The following DENR variants were observed in gnomAD, a reference collection of about 807,000 sequenced individuals.
The protein encoded by DENR is density regulated re-initiation and release factor, also known as density-regulated protein.
In DENR, 6 loss-of-function variants were observed where a neutral mutation model predicts 30.6. The observed-to-expected ratio is 0.20, with a 90% CI of 0.11 to 0.39. DENR has a LOEUF of 0.39. Among genes scored for constraint, DENR ranks in the 10% least tolerant of loss-of-function variants. The pLI, the probability that DENR is intolerant of heterozygous loss-of-function variation, is 1.00. For synonymous variants in DENR, 78 were observed against 72.1 expected, an observed-to-expected ratio of 1.08 and a Z score of -0.41; for missense variants, 141 against 230.9, an observed-to-expected ratio of 0.61 and a Z score of 2.52.
At position 122,762,906 on chromosome 12, in the gene DENR, A is replaced by G; in HGVS notation, c.188A>G (p.Asn63Ser). ...CRQWLEKNFP[N>S]EFAKLTVENS... Reference sequence around the variant, plus strand: ...CAATGGTTAGAGAAGAATTTTCCAAATGAATTTGCAAAACTTACTGTAGGT... The same window carrying G: ...CAATGGTTAGAGAAGAATTTTCCAAGTGAATTTGCAAAACTTACTGTAGGT... Residue 63 changes from asparagine (N) to serine (S), a missense_variant, in exon 4 of 8, where the codon AAT becomes AGT. Asn to Ser is a conservative substitution (Grantham distance 46). This residue lies in a region of DENR where 104 missense variants were observed against 138.3 expected (regional missense o/e 0.75). Transcript: ENST00000280557. 1.3e-6 allele frequency: 2 copies of G among 1,548,558 alleles called. No homozygotes were observed. The highest frequency in any genetic ancestry group is 1.7e-6 in the Non-Finnish European group (2 of 1,145,624).
chr12:122,765,493 T>A, intron 5 of DENR, 106 bp downstream of exon 5: 1 of 977,582 alleles, frequency 1.0e-6, no homozygotes, highest in Non-Finnish European at 1.5e-6. Flanking sequence ...GGTGGGCGCC[T>A]ATAGTCACAG....
chr12:122,762,290 T>C, intron 3 of DENR, 84 bp downstream of exon 3: 1 of 1,001,538 alleles, frequency 1.0e-6, no homozygotes. Context: ...TTTTTTTATT[T>C]TTCATTTTTG....
intron 6 of DENR, among the ~76,000 whole-genome samples, chr12:122,767,855 C>T (rs994702359): frequency 4.6e-5 from 7 of 152,158 alleles, no homozygotes; most frequent in Non-Finnish European, 1.0e-4. Flanking sequence ...GGGATGAGGA[C>T]GGCTGGGTAG....
intron 4 of DENR, among the ~76,000 whole-genome samples, chr12:122,764,390 G>A (rs937577692): frequency 3.9e-5 from 6 of 152,124 alleles, no homozygotes; most frequent in African/African-American, 1.4e-4. Context: ...ACAAGGTCAG[G>A]AGATCGAGAC....
intron 2 of DENR, among the ~76,000 whole-genome samples, chr12:122,754,619 T>A (rs552853770): frequency 6.6e-6 from 1 of 152,184 alleles, no homozygotes; most frequent in Non-Finnish European, 1.5e-5. Context: ...TTACATTCTG[T>A]GACTGCAGTA....
In DENR at chr12:122,770,455, A is replaced by G. The variant is rs1879004967; in HGVS notation, c.*1377A>G. ...CTGCTCTGAGTGGAAGGCCGTTCAG[A>G]GAGGCTAGAGGTTCTTATTCTGGCT... On this transcript the variant is annotated 3_prime_UTR_variant, in exon 8 of 8. Coordinates refer to ENST00000280557, the MANE Select transcript of DENR (RefSeq NM_003677.5). 1 of 396,026 alleles carries G rather than the reference A, an allele frequency of 2.5e-6. No individual in the cohort carries two copies. The allele number at this position is 396,026 out of a possible 1,614,324, so 24.5% of individuals were successfully genotyped here.
intron 4 of DENR, among the ~76,000 whole-genome samples, chr12:122,763,693 C>A (rs1172838606): frequency 6.6e-6 from 1 of 152,114 alleles, no homozygotes; most frequent in Admixed American, 6.5e-5. Flanking sequence ...AAGAGCAAAA[C>A]TCTGTCTCAA....
At position 122,769,170 on chromosome 12, in the gene DENR, ATATATATG is replaced by A; in HGVS notation, c.*100_*107del. The A allele has an allele frequency of 5.3e-6, 6 of 1,134,070 alleles. No homozygotes were observed. The highest frequency in any genetic ancestry group is 7.0e-6 in the Non-Finnish European group (6 of 861,450). 70.3% of individuals were successfully genotyped at this position (1,134,070 alleles called of 1,614,324 possible). On this transcript the variant is annotated 3_prime_UTR_variant, in exon 8 of 8. Coordinates refer to ENST00000280557, the MANE Select transcript of DENR (RefSeq NM_003677.5). ...TTTTAAAATATATATATATATACACATATATATGTATATATACACATATATGTATGTAT... is the reference window on the plus strand; with the variant it reads ...TTTTAAAATATATATATATATACACATATATATACACATATATGTATGTAT...
chr12:122,763,537 T>C (rs1427287620), intron 4 of DENR, among the ~76,000 whole-genome samples: 1 of 151,952 alleles, frequency 6.6e-6, no homozygotes, highest in East Asian at 1.9e-4. Context: ...GAAACCCTGT[T>C]TCTACTAAAA....
At chr12:122,760,594 G>C (rs532199215) in intron 2 of DENR, among the ~76,000 whole-genome samples, 1 of 152,156 alleles carries the variant, frequency 6.6e-6, no homozygotes, top group Non-Finnish European at 1.5e-5. Flanking sequence ...AGCCGGGCGC[G>C]GTGGCGGGCA....
chr12:122,765,436 G>A (rs975565909), intron 5 of DENR, 49 bp downstream of exon 5: 8 of 1,453,794 alleles, frequency 5.5e-6, no homozygotes, highest in African/African-American at 1.4e-5. Context: ...CCGTCACTGC[G>A]ATAGAAAATG....
intron 5 of DENR, among the ~76,000 whole-genome samples, chr12:122,767,200 T>C (rs987273444): frequency 3.3e-5 from 5 of 152,234 alleles, no homozygotes; most frequent in African/African-American, 1.2e-4. Context: ...ATTCCTATTA[T>C]TGTATGTATC....
intron 2 of DENR, 71 bp from the exon 3 acceptor site, chr12:122,762,116 A>G: frequency 1.0e-6 from 1 of 985,174 alleles, no homozygotes; most frequent in Non-Finnish European, 1.4e-6. Flanking sequence ...TATAAAAGTA[A>G]GGATAAGCCC....
intron 2 of DENR, chr12:122,754,409 A>AC (rs1566058126): frequency 6.5e-6 from 1 of 153,036 alleles, no homozygotes; most frequent in African/African-American, 2.4e-5. Context: ...TTTTCAATAT[A>AC]GAAATATTTG....
At chr12:122,762,156 T>C in intron 2 of DENR, 31 bp from the exon 3 acceptor site, 1 of 1,385,532 alleles carries the variant, frequency 7.2e-7, no homozygotes, top group Non-Finnish European at 9.8e-7. Context: ...AGGTTTAACA[T>C]TTCAAATCTT....
Position 122,768,967 on chromosome 12 carries a change from C to T in DENR, c.552+46C>T, listed in dbSNP as rs201139163. The T allele has an allele frequency of 2.6e-4, 424 of 1,605,260 alleles. 5 individuals carry two copies. The East Asian group carries it at 8.0e-3, about 30-fold the overall frequency. On this transcript the variant is annotated intron_variant, in intron 7 of 7. Transcript: ENST00000280557. ...CATCGCTAGAGATAAGTTTTTAAAG[C>T]AAATTGCTTCCATTTTTTCTTAATT...
chr12:122,760,471 C>T lies in DENR; in HGVS notation c.107-1716C>T, dbSNP rs192628009. 2.6e-5 allele frequency among the ~76,000 whole-genome samples: 4 copies of T among 152,278 alleles called. No individual in the cohort carries two copies. In the East Asian group the frequency reaches 7.7e-4, roughly 29 times the overall value. ...AAAAGGCCGGGCGCGGTGGCTCACT[C>T]CTGTAATCCCAGCACTTTGGGAGGC... On this transcript the variant is annotated intron_variant, in intron 2 of 7. Coordinates refer to ENST00000280557, the MANE Select transcript of DENR (RefSeq NM_003677.5).
At chr12:122,762,227 T>C in intron 3 of DENR, 21 bp downstream of exon 3, 1 of 1,386,648 alleles carries the variant, frequency 7.2e-7, no homozygotes, top group Non-Finnish European at 9.8e-7. Flanking sequence ...TAATTTTTTT[T>C]TTTACCTTAT....
intron 5 of DENR, among the ~76,000 whole-genome samples, 192 bp downstream of exon 5, chr12:122,765,579 C>T (rs1239519889): frequency 6.6e-6 from 1 of 152,094 alleles, no homozygotes; most frequent in East Asian, 1.9e-4. Context: ...ATCGTTCCTC[C>T]ACATAGCCAC....
Sources: allele counts gnomAD v4.1 joint callset (sites outside exome capture counted in the v4.1 genomes callset), GRCh38; gene constraint gnomAD v4.1.1; regional missense constraint gnomAD v4.1.1; transcripts MANE v1.5; gene names NCBI Gene and HGNC (gene_info 2026-07-23, HGNC 2026-07-21).